The following PDE10A variants were observed in gnomAD, a reference collection of about 807,000 sequenced individuals.
PDE10A encodes the protein phosphodiesterase 10A.
Under a neutral mutation model 97.7 loss-of-function variants are expected in PDE10A, and 39 were observed. That is an observed-to-expected ratio of 0.40 (90% CI 0.31 to 0.52). The LOEUF (loss-of-function observed/expected upper bound fraction) is 0.52. Among genes scored for constraint, PDE10A ranks in the 20% least tolerant of loss-of-function variants. The pLI, the probability that PDE10A is intolerant of heterozygous loss-of-function variation, is 0.56. For synonymous variants in PDE10A, 371 were observed against 376.8 expected (o/e 0.98, Z 0.18); for missense variants, 731 against 1,047.8 (o/e 0.70, Z 4.17).
intron 1 of PDE10A, among the ~76,000 whole-genome samples, chr6:165,973,060 G>A (rs927407284): frequency 7.9e-5 from 12 of 151,272 alleles, no homozygotes; most frequent in Non-Finnish European, 1.3e-4. Context: ...AAAATAAATC[G>A]ATTTCATAGC....
intron 1 of PDE10A, among the ~76,000 whole-genome samples, chr6:165,624,547 C>G (rs1249689682): frequency 6.6e-6 from 1 of 152,168 alleles, no homozygotes; most frequent in East Asian, 1.9e-4. Context: ...CTAACATTAA[C>G]TAATTCCAGT....
chr6:165,417,330 G>A (rs761807675), intron 11 of PDE10A, among the ~76,000 whole-genome samples: 7 of 151,980 alleles, frequency 4.6e-5, no homozygotes, highest in Non-Finnish European at 8.8e-5. Context: ...GCTTCTTTGC[G>A]TTGGTCTGAG....
intron 20 of PDE10A, among the ~76,000 whole-genome samples, chr6:165,338,274 T>G (rs187817999): frequency 6.6e-6 from 1 of 152,352 alleles, no homozygotes; most frequent in East Asian, 1.9e-4. Context: ...CAATTTTAAA[T>G]AAAGTAGGGA....
intron 3 of PDE10A, among the ~76,000 whole-genome samples, chr6:165,456,684 C>T (rs936449935): frequency 2.6e-5 from 4 of 152,290 alleles, no homozygotes; most frequent in African/African-American, 9.6e-5. Context: ...CTGTAAAATG[C>T]TTTCCCTTTC....
At chr6:165,702,044 C>T (rs909664362) in intron 1 of PDE10A, among the ~76,000 whole-genome samples, 5 of 152,128 alleles carry the variant, frequency 3.3e-5, no homozygotes, top group African/African-American at 9.7e-5. Context: ...GGCCAGGAGG[C>T]AGGCAGGGCC....
rs1781300421 is a variant in PDE10A, at chr6:165,330,849, T to C, written c.*2176A>G. ...AATTCCATCTCCAAGCGAAATGAGA[T>C]AACTAAACTAACTTTTGTGACTAAA... On this transcript the variant is annotated 3_prime_UTR_variant, in exon 22 of 22. Coordinates refer to ENST00000539869, the MANE Select transcript of PDE10A (RefSeq NM_001385079.1). The C allele has an allele frequency of 6.6e-6, 1 of 152,206 alleles. No individual in the cohort carries two copies. The highest frequency in any genetic ancestry group is 1.5e-5 in the Non-Finnish European group (1 of 68,020). The allele number at this position is 152,206 out of a possible 1,614,324, so 9.4% of individuals were successfully genotyped here.
chr6:165,902,361 G>A lies in PDE10A; in HGVS notation c.-615+85168C>T, dbSNP rs186585677. On this transcript the variant is annotated intron_variant, in intron 1 of 19. Transcript: ENST00000366882. ...GCAAGCCGGCTGCCGAGCTGTGAGT[G>A]TTTTACTTTGATCGGTGTTTCTGGA... Among the ~76,000 whole-genome samples, 222 of 152,330 alleles carry A rather than the reference G, an allele frequency of 1.5e-3. 2 individuals are homozygous for A. The highest frequency in any genetic ancestry group is 5.1e-3 in the African/African-American group (213 of 41,588).
intron 2 of PDE10A, among the ~76,000 whole-genome samples, chr6:165,496,875 A>G (rs958125089): frequency 1.3e-5 from 2 of 152,118 alleles, no homozygotes; most frequent in Admixed American, 6.5e-5. Context: ...GTTTATTTTT[A>G]TTTTCATTCT....
chr6:165,648,037 G>A (rs761095708), intron 1 of PDE10A, among the ~76,000 whole-genome samples: 9 of 151,840 alleles, frequency 5.9e-5, no homozygotes, highest in Admixed American at 2.0e-4. Context: ...TTTTTGAGAC[G>A]GAGTCTCGCT....
Position 165,942,746 on chromosome 6 carries a change from G to A in PDE10A, c.-615+44783C>T, listed in dbSNP as rs144501073. On this transcript the variant is annotated intron_variant, in intron 1 of 19. Transcript: ENST00000366882. ...AACCTACATAAAGTGCTTTAACCTC[G>A]ACAGTGTGCTGGTAGGTATTTACGA... Among the ~76,000 whole-genome samples the A allele has an allele frequency of 5.7e-3, 867 of 152,224 alleles. 6 individuals are homozygous for A. The highest frequency in any genetic ancestry group is 0.034 in the Middle Eastern group (10 of 294).
chr6:165,619,024 ATAGTC>A (rs142681220), intron 1 of PDE10A, among the ~76,000 whole-genome samples: 13,273 of 41,010 alleles, frequency 0.32, 790 homozygotes, highest in Non-Finnish European at 0.36. Flanking sequence ...GTAGTCTAGC[ATAGTC>A]TAGTGTAGTG....
chr6:165,928,631 A>G (rs1005182126), intron 1 of PDE10A, among the ~76,000 whole-genome samples: 1 of 152,220 alleles, frequency 6.6e-6, no homozygotes, highest in African/African-American at 2.4e-5. Context: ...ACAGGAAATA[A>G]AAGGCAAAGC....
At chr6:165,614,347 C>A (rs1787629289) in intron 1 of PDE10A, among the ~76,000 whole-genome samples, 2 of 152,178 alleles carry the variant, frequency 1.3e-5, no homozygotes, top group Non-Finnish European at 2.9e-5. Context: ...CTCCAAAAAT[C>A]TGACCCCTAA....
At chr6:165,626,703 G>A (rs1226258790) in intron 1 of PDE10A, among the ~76,000 whole-genome samples, 1 of 151,978 alleles carries the variant, frequency 6.6e-6, no homozygotes, top group Non-Finnish European at 1.5e-5. Context: ...TCCCTCCCTG[G>A]TGCGGCTCAC....
chr6:165,552,144 C>A (rs772341164), intron 1 of PDE10A, among the ~76,000 whole-genome samples: 1 of 152,204 alleles, frequency 6.6e-6, no homozygotes, highest in Non-Finnish European at 1.5e-5. Context: ...CCTCCTCCTA[C>A]ACTTCAAGAC....
intron 1 of PDE10A, among the ~76,000 whole-genome samples, chr6:165,738,200 C>A (rs1792629798): frequency 7.6e-6 from 1 of 131,886 alleles, no homozygotes; most frequent in Non-Finnish European, 1.5e-5. Flanking sequence ...GTGTGATGTT[C>A]CCCTTCCTGT....
intron 3 of PDE10A, among the ~76,000 whole-genome samples, chr6:165,463,733 T>C (rs941093339): frequency 6.6e-6 from 1 of 152,206 alleles, no homozygotes; most frequent in Non-Finnish European, 1.5e-5. Context: ...ACAAAATCTC[T>C]GCAGCAGCAC....
chr6:165,726,608 C>T (rs1414110628), intron 1 of PDE10A, among the ~76,000 whole-genome samples: 1 of 152,176 alleles, frequency 6.6e-6, no homozygotes, highest in African/African-American at 2.4e-5. Context: ...TGACAGGCAC[C>T]GCCTTCCGAC....
chr6:165,472,377 T>C (rs1380197111), intron 3 of PDE10A, among the ~76,000 whole-genome samples: 3 of 152,136 alleles, frequency 2.0e-5, no homozygotes, highest in East Asian at 3.8e-4. Flanking sequence ...CTGAAATAGA[T>C]TGCCAAAGAC....
Sources: gnomAD v4.1 joint callset for allele counts (sites outside exome capture counted in the v4.1 genomes callset) on GRCh38, gnomAD v4.1.1 for gene constraint, MANE v1.5 for transcripts, NCBI Gene and HGNC (gene_info 2026-07-23, HGNC 2026-07-21) for gene names.